The following TGM6 variants were observed in gnomAD, a reference collection of about 807,000 sequenced individuals.
The protein encoded by TGM6 is transglutaminase 6, also known as protein-glutamine gamma-glutamyltransferase 6.
Under a neutral mutation model 77.5 loss-of-function variants are expected in TGM6, and 74 were observed. The ratio of observed to expected loss-of-function variants is 0.96; its 90% CI spans 0.79 to 1.16. The LOEUF is 1.16. Among genes scored for constraint, TGM6 ranks in the 50% most tolerant of loss-of-function variants. TGM6 has a pLI of 0.00. For synonymous variants in TGM6, 383 were observed against 378.9 expected (o/e 1.01, Z -0.12); for missense variants, 968 against 940.2 (o/e 1.03, Z -0.39).
At chr20:2,381,082 C>T (rs1599938794) in intron 1 of TGM6, 107 bp downstream of exon 1, 2 of 1,469,298 alleles carry the variant, frequency 1.4e-6, no homozygotes, top group South Asian at 2.4e-5. Flanking sequence ...TAGGATTTTA[C>T]AGCTGGATAG....
chr20:2,409,221 G>A (rs1054659856), intron 9 of TGM6, among the ~76,000 whole-genome samples: 3 of 152,064 alleles, frequency 2.0e-5, no homozygotes, highest in East Asian at 1.9e-4. Flanking sequence ...CAATACATAC[G>A]TCTAAATATC....
Position 2,403,597 on chromosome 20 carries a change from C to A in TGM6, c.1110C>A (p.Gly370=). The change falls in exon 9 of 13, where the codon GGC becomes GGA. Residue 370 remains glycine, a synonymous_variant. Transcript: ENST00000202625. ...CCTGCCCAGGTGTGTTCCGGTGCGG[C>A]CCAGCCTCAGTCACCGCCATCCGCG... ...QEESEGVFRC[G]PASVTAIREG... 2 of 1,614,150 alleles carry A rather than the reference C, an allele frequency of 1.2e-6. No homozygotes were observed. The highest frequency in any genetic ancestry group is 1.7e-6 in the Non-Finnish European group (2 of 1,180,028).
intron 10 of TGM6, among the ~76,000 whole-genome samples, chr20:2,422,926 G>A (rs2084866133): frequency 7.0e-6 from 1 of 142,562 alleles, no homozygotes; most frequent in African/African-American, 2.7e-5. Context: ...CTCCAGCCTG[G>A]GTAACAAAGG....
chr20:2,396,463 G>C, intron 3 of TGM6, 43 bp from the exon 4 acceptor site: 1 of 1,600,132 alleles, frequency 6.2e-7, no homozygotes, highest in Non-Finnish European at 8.6e-7. Context: ...GGCCAGCAAG[G>C]CCAGAGCCCC....
intron 1 of TGM6, among the ~76,000 whole-genome samples, chr20:2,387,364 C>G (rs1275310665): frequency 6.6e-6 from 1 of 152,214 alleles, no homozygotes; most frequent in African/African-American, 2.4e-5. Context: ...GAAAAGCCCC[C>G]TGGAACTGTT....
rs759236682 is a variant in TGM6, at chr20:2,430,894, G to T, written c.1834G>T (p.Val612Phe). 4.3e-6 allele frequency: 7 copies of T among 1,614,038 alleles called. No homozygotes were observed. Among genetic ancestry groups the T allele is most frequent in the African/African-American group, 1.3e-5 (1 of 74,890 alleles). The change falls in exon 12 of 13, where the codon GTT (valine) becomes TTT (phenylalanine). Residue 612 changes from valine to phenylalanine, a missense_variant and splice_region_variant. Transcript: ENST00000202625. ...ITLEDFITIKVLGPAMVGVAV... is the reference protein window; with the variant it reads ...ITLEDFITIKFLGPAMVGVAV... The stretch of plus-strand genomic sequence containing the variant: ...GGCTCATGGGTGTTGTCCCCTTCAG[G>T]TTCTGGGCCCAGCCATGGTGGGAGT...
chr20:2,396,410 G>C (rs531050939), intron 3 of TGM6, 96 bp from the exon 4 acceptor site: 65 of 1,278,260 alleles, frequency 5.1e-5, no homozygotes, highest in African/African-American at 1.5e-5. Context: ...GTCAGCCTCC[G>C]GGCGCTGCCC....
chr20:2,416,455 C>A (rs951173436), intron 9 of TGM6, among the ~76,000 whole-genome samples: 2 of 152,128 alleles, frequency 1.3e-5, no homozygotes, highest in African/African-American at 2.4e-5. Flanking sequence ...CCGCTGTATA[C>A]CCACATGCAA....
At chr20:2,400,585 A>G in intron 7 of TGM6, 141 bp downstream of exon 7, 1 of 1,225,806 alleles carries the variant, frequency 8.2e-7, no homozygotes, top group East Asian at 2.5e-5. Context: ...GGAGGGAGTG[A>G]GAGGCGCCCT....
intron 1 of TGM6, among the ~76,000 whole-genome samples, chr20:2,381,682 T>C (rs2084555881): frequency 6.6e-6 from 1 of 152,190 alleles, no homozygotes; most frequent in Non-Finnish European, 1.5e-5. Context: ...TTTGGGAGGC[T>C]GAAGGGGGTG....
chr20:2,387,463 T>A (rs2084603885), intron 1 of TGM6, among the ~76,000 whole-genome samples: 1 of 152,178 alleles, frequency 6.6e-6, no homozygotes, highest in Non-Finnish European at 1.5e-5. Context: ...GAGCTCCCAA[T>A]CTTGGGACAC....
chr20:2,431,997 G>A (rs1364197530), intron 12 of TGM6, among the ~76,000 whole-genome samples: 1 of 152,194 alleles, frequency 6.6e-6, no homozygotes, highest in Admixed American at 6.5e-5. Flanking sequence ...TGGGAAGAGT[G>A]TGGGTGGTAG....
rs143211728 is a variant in TGM6, at chr20:2,431,190, A to G, written c.1967+163A>G. Among the ~76,000 whole-genome samples the G allele has an allele frequency of 6.6e-5, 10 of 152,266 alleles. No individual in the cohort carries two copies. In the East Asian group the frequency reaches 1.9e-3, roughly 29 times the overall value. ...CCTTCATTCACTTATTTATTCCTTCATTCATCCAATCATTCATTTACTCAA... is the reference window on the plus strand; with the variant it reads ...CCTTCATTCACTTATTTATTCCTTCGTTCATCCAATCATTCATTTACTCAA... On this transcript the variant is annotated intron_variant, in intron 12 of 12. Transcript: ENST00000202625.
chr20:2,397,900 A>C lies in TGM6; in HGVS notation c.544-18A>C, dbSNP rs1365166046. The C allele has an allele frequency of 6.2e-7, 1 of 1,614,030 alleles. No individual in the cohort carries two copies. The highest frequency in any genetic ancestry group is 1.3e-5 in the African/African-American group (1 of 74,908). ...GTGACTGAACGCAGCCTCTAAGCACAGCCTCTCTGGGGAGCAGTTTGAGGA... is the reference window on the plus strand; with the variant it reads ...GTGACTGAACGCAGCCTCTAAGCACCGCCTCTCTGGGGAGCAGTTTGAGGA... On this transcript the variant is annotated intron_variant, in intron 4 of 12. Coordinates refer to ENST00000202625, the MANE Select transcript of TGM6 (RefSeq NM_198994.3).
intron 10 of TGM6, among the ~76,000 whole-genome samples, chr20:2,424,857 T>C (rs1272297622): frequency 3.9e-5 from 6 of 152,210 alleles, no homozygotes; most frequent in Non-Finnish European, 7.3e-5. Flanking sequence ...GGTTTATTAA[T>C]TGGCCTAATT....
rs374657670 is a variant in TGM6, at chr20:2,398,030, G to A, written c.656G>A (p.Arg219Lys). 8 of 1,613,974 alleles carry A rather than the reference G, an allele frequency of 5.0e-6. No individual in the cohort carries two copies. In the African/African-American group the frequency reaches 1.1e-4, roughly 22 times the overall value. ...SCRHNPIYVT[R>K]VISAMVNSNN... ...CGCCACAACCCCATCTACGTCACCA[G>A]GGTCATCAGTGCCATGGTGAGAAGC... is the stretch of plus-strand genomic sequence containing the variant. Residue 219 changes from arginine to lysine, a missense_variant, in exon 5 of 13, where the codon AGG becomes AAG. By Grantham distance (26) the Arg-to-Lys change is conservative (BLOSUM62 2). Transcript: ENST00000202625.
At chr20:2,432,410 G>A in intron 12 of TGM6, 80 bp from the exon 13 acceptor site, 1 of 1,566,796 alleles carries the variant, frequency 6.4e-7, no homozygotes, top group Non-Finnish European at 8.8e-7. Flanking sequence ...TGAGGAGCCT[G>A]GGGAGCCGTG....
chr20:2,401,429 G>A (rs1433780268), intron 7 of TGM6, among the ~76,000 whole-genome samples: 1 of 152,116 alleles, frequency 6.6e-6, no homozygotes, highest in Non-Finnish European at 1.5e-5. Context: ...TACCTACAGT[G>A]CCTCCCCGCC....
At chr20:2,420,737 T>C (rs919389041) in intron 10 of TGM6, among the ~76,000 whole-genome samples, 3 of 152,218 alleles carry the variant, frequency 2.0e-5, no homozygotes, top group African/African-American at 7.2e-5. Flanking sequence ...GTTGAAATCA[T>C]ACAGTGTAAT....
Sources: allele counts gnomAD v4.1 joint callset (sites outside exome capture counted in the v4.1 genomes callset), GRCh38; gene constraint gnomAD v4.1.1; transcripts MANE v1.5; gene names NCBI Gene and HGNC (gene_info 2026-07-23, HGNC 2026-07-21).